The following CAB39L variants were observed in gnomAD, a reference collection of about 807,000 sequenced individuals.
The protein encoded by CAB39L is calcium binding protein 39 like.
A neutral mutation model predicts 39.1 loss-of-function variants in CAB39L; 23 were observed. That is an observed-to-expected ratio of 0.59 (90% confidence interval 0.42 to 0.83). CAB39L has a LOEUF of 0.83. Among genes scored for constraint, CAB39L ranks in the 40% least tolerant of loss-of-function variants. The probability of loss-of-function intolerance (pLI) is 0.00; values close to 1 mark genes in which losing one functional copy is unlikely to be tolerated. For missense variants in CAB39L, 366 were observed against 391.9 expected, an observed-to-expected ratio of 0.93 and a Z score of 0.56; for synonymous variants, 126 against 137.2, an observed-to-expected ratio of 0.92 and a Z score of 0.57.
chr13:49,359,658 C>T, intron 6 of CAB39L, 56 bp downstream of exon 6: 3 of 865,158 alleles, frequency 3.5e-6, no homozygotes, highest in South Asian at 3.0e-5. Flanking sequence ...TAATGCTATG[C>T]ACTTTTAACA....
chr13:49,321,145 A>G (rs1954326039), intron 10 of CAB39L, among the ~76,000 whole-genome samples: 1 of 152,260 alleles, frequency 6.6e-6, no homozygotes, highest in African/African-American at 2.4e-5. Context: ...AAGTAAAAAA[A>G]TCACTGACAT....
At chr13:49,419,793 C>T (rs1273199876) in intron 3 of CAB39L, among the ~76,000 whole-genome samples, 1 of 152,106 alleles carries the variant, frequency 6.6e-6, no homozygotes, top group East Asian at 1.9e-4. Flanking sequence ...TTCCCCTCCC[C>T]ACCCCGCCAA....
At chr13:49,329,006 A>T (rs889352426) in intron 10 of CAB39L, among the ~76,000 whole-genome samples, 6 of 152,288 alleles carry the variant, frequency 3.9e-5, no homozygotes, top group Admixed American at 3.3e-4. Context: ...GCAGGGTAAG[A>T]TTCTCTACAC....
At chr13:49,392,908 A>C (rs1220365073) in intron 3 of CAB39L, 1 of 152,180 alleles carries the variant, frequency 6.6e-6, no homozygotes, top group African/African-American at 2.4e-5. Flanking sequence ...TCAAATAAAA[A>C]TTATCTCAGT....
intron 4 of CAB39L, among the ~76,000 whole-genome samples, chr13:49,381,012 C>T (rs1956242870): frequency 6.6e-6 from 1 of 152,234 alleles, no homozygotes; most frequent in Non-Finnish European, 1.5e-5. Context: ...ACTGCAACCT[C>T]TGCCTCCTGC....
intron 10 of CAB39L, among the ~76,000 whole-genome samples, chr13:49,315,402 G>A (rs1354852538): frequency 6.6e-6 from 1 of 152,040 alleles, no homozygotes; most frequent in South Asian, 2.1e-4. Flanking sequence ...AGGAGGAACT[G>A]ACCTTTGACC....
intron 1 of CAB39L, among the ~76,000 whole-genome samples, chr13:49,434,439 A>T (rs1199685197): frequency 2.6e-5 from 4 of 152,040 alleles, no homozygotes; most frequent in Non-Finnish European, 4.4e-5. Context: ...TATAACACAA[A>T]CTCTATTATG....
intron 5 of CAB39L, among the ~76,000 whole-genome samples, chr13:49,362,048 T>C (rs1566090442): frequency 6.6e-6 from 1 of 151,840 alleles, no homozygotes; most frequent in Non-Finnish European, 1.5e-5. Context: ...CCTTATAATA[T>C]ACATATTATA....
intron 4 of CAB39L, among the ~76,000 whole-genome samples, chr13:49,380,680 A>G (rs1490606023): frequency 6.6e-6 from 1 of 152,224 alleles, no homozygotes; most frequent in Non-Finnish European, 1.5e-5. Context: ...CTCAATTTAA[A>G]AATCTTTAAA....
intron 3 of CAB39L, among the ~76,000 whole-genome samples, chr13:49,421,587 C>T (rs1240807131): frequency 3.3e-5 from 5 of 152,096 alleles, no homozygotes; most frequent in African/African-American, 4.8e-5. Flanking sequence ...TTGTTGAGTG[C>T]TGGACTTTCA....
chr13:49,377,908 G>A lies in CAB39L; in HGVS notation c.112-777C>T, dbSNP rs1303008881. On this transcript the variant is annotated intron_variant, in intron 4 of 10. Transcript: ENST00000409308. ...GCCGCCATCCCATCTAGGAAGTGAG[G>A]AGCGCCTCTTCCCAGCCGCCATCAC... is the stretch of plus-strand genomic sequence containing the variant. Among the ~76,000 whole-genome samples, 2 of 79,148 alleles carry A rather than the reference G, an allele frequency of 2.5e-5. 1 individual carries two copies. Among genetic ancestry groups the A allele is most frequent in the African/African-American group, 1.5e-4 (2 of 13,186 alleles). The allele number at this position is 79,148 out of a possible 152,430, so 51.9% of individuals were successfully genotyped here. A position where few individuals can be genotyped will look rare whatever the true frequency, so the allele number is the denominator to read the frequency against.
chr13:49,311,114 A>C, intron 10 of CAB39L, 121 bp from the exon 11 acceptor site: 1 of 781,226 alleles, frequency 1.3e-6, no homozygotes, highest in Non-Finnish European at 2.1e-6. Flanking sequence ...GATATTATTA[A>C]TGCGTAGAAG....
At chr13:49,399,665 C>A (rs569474411) in intron 3 of CAB39L, among the ~76,000 whole-genome samples, 66 of 152,090 alleles carry the variant, frequency 4.3e-4, no homozygotes, top group African/African-American at 1.4e-3. Flanking sequence ...ATTGGGAATG[C>A]ATTATTCTTT....
At chr13:49,409,390 T>C (rs1956943749) in intron 3 of CAB39L, among the ~76,000 whole-genome samples, 1 of 151,434 alleles carries the variant, frequency 6.6e-6, no homozygotes, top group South Asian at 2.1e-4. Flanking sequence ...TTCCAAGTGT[T>C]GGATATAAAG....
At chr13:49,431,219 T>A (rs1201657514) in intron 3 of CAB39L, among the ~76,000 whole-genome samples, 1 of 152,182 alleles carries the variant, frequency 6.6e-6, no homozygotes, top group East Asian at 1.9e-4. Flanking sequence ...AGCACTTATA[T>A]TTTTCAGAAC....
chr13:49,339,607 T>A, intron 9 of CAB39L, 70 bp downstream of exon 9: 1 of 1,414,646 alleles, frequency 7.1e-7, no homozygotes, highest in South Asian at 1.8e-5. Context: ...ACTCATATAC[T>A]AATAGACCCG....
chr13:49,395,027 G>A (rs1028986822), intron 3 of CAB39L, among the ~76,000 whole-genome samples: 3 of 152,112 alleles, frequency 2.0e-5, no homozygotes, highest in Admixed American at 6.5e-5. Context: ...TGTTAACGGT[G>A]ATTGCCTCTG....
chr13:49,397,805 C>T (rs1956674366), intron 3 of CAB39L, among the ~76,000 whole-genome samples: 1 of 152,078 alleles, frequency 6.6e-6, no homozygotes, highest in Admixed American at 6.5e-5. Context: ...TTCTCAAAAA[C>T]TGGTAACTAT....
intron 10 of CAB39L, among the ~76,000 whole-genome samples, chr13:49,331,576 C>T (rs1954700794): frequency 6.6e-6 from 1 of 152,004 alleles, no homozygotes. Context: ...GAGTAGTACC[C>T]GACTGTGTCT....
Sources: allele counts gnomAD v4.1 joint callset (sites outside exome capture counted in the v4.1 genomes callset), GRCh38; gene constraint gnomAD v4.1.1; transcripts MANE v1.5; gene names NCBI Gene and HGNC (gene_info 2026-07-23, HGNC 2026-07-21).